DISP1: variants seen among roughly 807,000 people sequenced by gnomAD.
DISP1 encodes dispatched RND transporter family member 1.
DISP1 carries 30 observed loss-of-function variants against 37.3 expected under a neutral mutation model. That is an observed-to-expected ratio of 0.80 (90% CI 0.60 to 1.09). DISP1 has a LOEUF of 1.09. Among genes scored for constraint, DISP1 ranks in the 50% least tolerant of loss-of-function variants. The probability of loss-of-function intolerance (pLI) is 0.00; values close to 1 mark genes in which losing one functional copy is unlikely to be tolerated. For missense variants in DISP1, 1,598 were observed against 1,879.5 expected (o/e 0.85, Z 2.77); for synonymous variants, 634 against 690.2 (o/e 0.92, Z 1.28).
intron 1 of DISP1, among the ~76,000 whole-genome samples, chr1:222,859,252 G>A (rs950547005): frequency 1.3e-5 from 2 of 152,218 alleles, no homozygotes; most frequent in Non-Finnish European, 2.9e-5. Context: ...AACACCGCAT[G>A]TTCTCACTTA....
intron 1 of DISP1, among the ~76,000 whole-genome samples, chr1:222,873,485 T>C (rs1669717140): frequency 6.6e-6 from 1 of 152,234 alleles, no homozygotes; most frequent in African/African-American, 2.4e-5. Flanking sequence ...ATATTTAGGA[T>C]AGTTAGCTCT....
Position 223,003,271 on chromosome 1 carries a change from G to C in DISP1, c.1874G>C (p.Ser625Thr). ...TAAAFYANYV[S>T]NITAIRCFGV... Reference sequence around the variant, plus strand: ...GCTGCCTTTTATGCTAACTATGTTAGCAACATTACAGCAATCCGATGCTTT... The same window carrying C: ...GCTGCCTTTTATGCTAACTATGTTACCAACATTACAGCAATCCGATGCTTT... The change falls in exon 9 of 9, where the codon AGC becomes ACC. Residue 625 changes from serine (S) to threonine (T), a missense_variant. Ser to Thr is a moderately conservative substitution (Grantham distance 58). Transcript: ENST00000675850. This position sits in a 1 kb window ranked among gnomAD's most constrained non-coding sequence, Gnocchi z 4.3. 6.2e-7 allele frequency: 1 copy of C among 1,614,196 alleles called. No individual in the cohort carries two copies. The highest frequency in any genetic ancestry group is 8.5e-7 in the Non-Finnish European group (1 of 1,180,016).
At chr1:222,851,858 C>T (rs1668257188) in intron 1 of DISP1, among the ~76,000 whole-genome samples, 1 of 151,452 alleles carries the variant, frequency 6.6e-6, no homozygotes. Flanking sequence ...AGCTAATTGT[C>T]CAGTAGAAAA....
At position 223,003,074 on chromosome 1, in the gene DISP1, C is replaced by T; in HGVS notation, c.1677C>T (p.Asn559=). 6.2e-7 allele frequency: 1 copy of T among 1,614,108 alleles called. No homozygotes were observed. The highest frequency in any genetic ancestry group is 8.5e-7 in the Non-Finnish European group (1 of 1,180,020). The stretch of plus-strand genomic sequence containing the variant: ...ACTTCGAATTTTTTCCTTTTATGAA[C>T]CTCACTGCCCTCATTATTTTGGTTG... The part of the protein sequence containing the change: ...VFHFEFFPFM[N]LTALIILVGI... The change falls in exon 9 of 9, where the codon AAC becomes AAT. Residue 559 remains asparagine (N), a synonymous_variant. Transcript: ENST00000675850. The surrounding 1 kb of genome is among the most constrained non-coding windows in gnomAD (Gnocchi z 4.3).
At chr1:222,984,498 T>G (rs1678124503) in intron 4 of DISP1, among the ~76,000 whole-genome samples, 1 of 148,952 alleles carries the variant, frequency 6.7e-6, no homozygotes, top group Non-Finnish European at 1.5e-5. Flanking sequence ...GGTTTATATG[T>G]TATATATAAC....
intron 2 of DISP1, 88 bp from the exon 3 acceptor site, chr1:222,942,719 A>G (rs569324667): frequency 3.4e-6 from 5 of 1,487,366 alleles, no homozygotes; most frequent in East Asian, 4.5e-5. Context: ...CTCATTTTCA[A>G]TGAGCTGTTT....
intron 1 of DISP1, among the ~76,000 whole-genome samples, chr1:222,927,187 C>A (rs1323360607): frequency 6.6e-6 from 1 of 151,118 alleles, no homozygotes; most frequent in East Asian, 1.9e-4. Context: ...TTCTCCATGT[C>A]CTTGACAACA....
At chr1:222,863,305 C>CAGCTGAGGTGGGCAGATTGCTTT (rs1668989342) in intron 1 of DISP1, among the ~76,000 whole-genome samples, 2 of 152,018 alleles carry the variant, frequency 1.3e-5, no homozygotes, top group African/African-American at 4.8e-5. Flanking sequence ...CAGATTGCTT[C>CAGCTGAGGTGGGCAGATTGCTTT]AGCTCAGGAG....
At chr1:222,825,742 A>G (rs1022306631) in intron 1 of DISP1, among the ~76,000 whole-genome samples, 1 of 152,008 alleles carries the variant, frequency 6.6e-6, no homozygotes, top group South Asian at 2.1e-4. Flanking sequence ...GCCTCAAGCA[A>G]TCCGGCGGCC....
At chr1:222,855,658 A>C (rs773584501) in intron 1 of DISP1, among the ~76,000 whole-genome samples, 128 of 152,340 alleles carry the variant, frequency 8.4e-4, no homozygotes, top group Non-Finnish European at 1.2e-3. Flanking sequence ...TTACGTACCT[A>C]ATGAAATGAA....
At chr1:222,951,364 A>G (rs1477886923) in intron 3 of DISP1, among the ~76,000 whole-genome samples, 9 of 99,874 alleles carry the variant, frequency 9.0e-5, no homozygotes, top group African/African-American at 3.7e-4. Context: ...CCTCTTTTAA[A>G]ACAAAAAAAA....
intron 2 of DISP1, among the ~76,000 whole-genome samples, chr1:222,935,118 G>A (rs1673641021): frequency 6.6e-6 from 1 of 152,158 alleles, no homozygotes; most frequent in South Asian, 2.1e-4. Context: ...TGGACATGTT[G>A]TTGGAGGCTT....
intron 1 of DISP1, among the ~76,000 whole-genome samples, chr1:222,904,527 T>A (rs563077105): frequency 6.6e-6 from 1 of 151,904 alleles, no homozygotes; most frequent in Non-Finnish European, 1.5e-5. Flanking sequence ...AAGCAGTAAT[T>A]TATCTTTAGT....
chr1:222,956,292 A>T (rs751102472), intron 3 of DISP1, among the ~76,000 whole-genome samples: 9 of 152,184 alleles, frequency 5.9e-5, no homozygotes, highest in Non-Finnish European at 1.2e-4. Flanking sequence ...TCATGGAGGA[A>T]GAGTCCCCTA....
intron 1 of DISP1, among the ~76,000 whole-genome samples, chr1:222,878,441 A>G (rs1307466566): frequency 8.5e-5 from 13 of 152,228 alleles, no homozygotes; most frequent in Admixed American, 8.5e-4. Context: ...TTGGTTGTAC[A>G]TACTGGAATC....
intron 3 of DISP1, among the ~76,000 whole-genome samples, chr1:222,969,010 G>C (rs1481167317): frequency 6.6e-6 from 1 of 152,048 alleles, no homozygotes; most frequent in Middle Eastern, 3.2e-3. Flanking sequence ...TATTAAGTAA[G>C]TGGAATTGGG....
At chr1:222,887,865 T>A (rs1033250480) in intron 1 of DISP1, among the ~76,000 whole-genome samples, 1 of 152,218 alleles carries the variant, frequency 6.6e-6, no homozygotes, top group Non-Finnish European at 1.5e-5. Context: ...AGATCTTTTG[T>A]CCTAATTTGA....
intron 1 of DISP1, chr1:222,899,790 C>G (rs879909873): frequency 2.0e-5 from 3 of 152,164 alleles, no homozygotes; most frequent in Non-Finnish European, 4.4e-5. Flanking sequence ...GGGTCTCACT[C>G]TTGCCCGGGC....
chr1:222,991,915 A>G (rs1214342323), intron 6 of DISP1, 98 bp from the exon 7 acceptor site: 1 of 967,876 alleles, frequency 1.0e-6, no homozygotes, highest in African/African-American at 1.6e-5. Flanking sequence ...TCAAGGACTA[A>G]GCAGGTCATG....
Sources: allele counts gnomAD v4.1 joint callset (sites outside exome capture counted in the v4.1 genomes callset), GRCh38; gene constraint gnomAD v4.1.1; non-coding constraint Gnocchi (gnomAD v3.1); transcripts MANE v1.5; gene names NCBI Gene and HGNC (gene_info 2026-07-23, HGNC 2026-07-21).